The following HYDIN variants were observed in gnomAD, a reference collection of about 807,000 sequenced individuals.
The protein encoded by HYDIN is HYDIN axonemal central pair apparatus protein.
HYDIN carries 132 observed loss-of-function variants against 403.9 expected under a neutral mutation model. That is an observed-to-expected ratio of 0.33 (90% CI 0.28 to 0.38). The LOEUF is 0.38. HYDIN is among the 10% of genes least tolerant of loss of function. The probability of loss-of-function intolerance (pLI) is 1.00; values close to 1 mark genes in which losing one functional copy is unlikely to be tolerated. For missense variants in HYDIN, 2,827 were observed against 5,009.5 expected (o/e 0.56, Z 13.15); for synonymous variants, 1,202 against 1,891.7 (o/e 0.64, Z 9.46).
chr16:70,919,583 G>C (rs2502709), intron 46 of HYDIN, among the ~76,000 whole-genome samples: 6,380 of 152,110 alleles, frequency 0.042, 183 homozygotes, highest in East Asian at 0.1. Flanking sequence ...TTTAAAAGTT[G>C]ACTCATGCCT....
chr16:70,822,678 C>T (rs1470722909), intron 83 of HYDIN, among the ~76,000 whole-genome samples: 1 of 152,206 alleles, frequency 6.6e-6, no homozygotes, highest in Non-Finnish European at 1.5e-5. Context: ...GAAATTGCCA[C>T]AGTCACCCCC....
chr16:70,805,655 C>T lies in HYDIN; in HGVS notation c.*1925G>A, dbSNP rs1346834188. On this transcript the variant is annotated 3_prime_UTR_variant, in exon 86 of 86. Transcript: ENST00000393567. ...GTATATTTGCAAGTCATCACTCTTG[C>T]TCATTGATCTTAGCATCCTCTCAGA... 6.6e-6 allele frequency among the ~76,000 whole-genome samples: 1 copy of T among 152,240 alleles called. No homozygotes were observed. Among genetic ancestry groups the T allele is most frequent in the Non-Finnish European group, 1.5e-5 (1 of 68,040 alleles).
chr16:70,834,819 G>C (rs1340229915), intron 78 of HYDIN, among the ~76,000 whole-genome samples: 2 of 151,022 alleles, frequency 1.3e-5, no homozygotes, highest in Non-Finnish European at 2.9e-5. Context: ...GTGCACTCCA[G>C]CCTGGTCGAC....
rs1435405661 is a variant in HYDIN, at chr16:70,984,668, TA to T, written c.4332+516del. ...TACAAGATTATGAATAATTACACTTTAAAAATATTTTCCTTTTTTAATAACA... is the reference window on the plus strand; with the variant it reads ...TACAAGATTATGAATAATTACACTTTAAAATATTTTCCTTTTTTAATAACA... On this transcript the variant is annotated intron_variant, in intron 28 of 85. Coordinates refer to ENST00000393567, the MANE Select transcript of HYDIN (RefSeq NM_001270974.2). Among the ~76,000 whole-genome samples, 8 of 138,562 alleles carry T rather than the reference TA, an allele frequency of 5.8e-5. No homozygotes were observed. In the Middle Eastern group the frequency reaches 0.011, roughly 186 times the overall value. 90.9% of individuals were successfully genotyped at this position (138,562 alleles called of 152,430 possible). A position where few individuals can be genotyped will look rare whatever the true frequency, so the allele number is the denominator to read the frequency against.
chr16:71,168,972 A>C (rs2086355019), intron 5 of HYDIN, among the ~76,000 whole-genome samples: 1 of 152,212 alleles, frequency 6.6e-6, no homozygotes, highest in South Asian at 2.1e-4. Context: ...TTAAAAATAG[A>C]ACTACCATAT....
Position 71,175,677 on chromosome 16 carries a change from T to G in HYDIN, c.446A>C (p.Asp149Ala). 1 of 1,614,098 alleles carries G rather than the reference T, an allele frequency of 6.2e-7. No homozygotes were observed. The highest frequency in any genetic ancestry group is 8.5e-7 in the Non-Finnish European group (1 of 1,179,950). The change falls in exon 5 of 86, where the codon GAT becomes GCT. Residue 149 changes from aspartate (D) to alanine (A), a missense_variant. Coordinates refer to ENST00000393567, the MANE Select transcript of HYDIN (RefSeq NM_001270974.2). ...SPYFKVISPKDIGHKVAPGVP... is the reference protein window; with the variant it reads ...SPYFKVISPKAIGHKVAPGVP... ...TCCAGGAGCCACTTTGTGGCCAATATCTTTGGGGCTGATTACTTTAAAGTA... is the reference window on the plus strand; with the variant it reads ...TCCAGGAGCCACTTTGTGGCCAATAGCTTTGGGGCTGATTACTTTAAAGTA...
chr16:71,195,911 T>G (rs548578179), intron 1 of HYDIN, among the ~76,000 whole-genome samples: 9 of 152,154 alleles, frequency 5.9e-5, no homozygotes, highest in African/African-American at 2.2e-4. Flanking sequence ...TACTGGAAAC[T>G]TGTTCAAACT....
At chr16:70,809,104 T>C (rs1444193665) in intron 85 of HYDIN, among the ~76,000 whole-genome samples, 3 of 152,234 alleles carry the variant, frequency 2.0e-5, no homozygotes, top group East Asian at 1.9e-4. Flanking sequence ...TAAATAGAGA[T>C]GAGGTCTCGC....
chr16:71,228,438 C>G (rs562308454), intron 1 of HYDIN, among the ~76,000 whole-genome samples: 36 of 152,284 alleles, frequency 2.4e-4, no homozygotes, highest in African/African-American at 7.9e-4. Flanking sequence ...TATCCAGAAT[C>G]TACAAAGAAC....
intron 23 of HYDIN, among the ~76,000 whole-genome samples, chr16:71,011,748 C>G (rs947680932): frequency 4.0e-5 from 6 of 151,702 alleles, no homozygotes; most frequent in African/African-American, 1.5e-4. Flanking sequence ...ACTTTTGAAG[C>G]AACAGAAATT....
chr16:70,844,451 G>A (rs1396988128), intron 75 of HYDIN, among the ~76,000 whole-genome samples: 2 of 147,860 alleles, frequency 1.4e-5, no homozygotes, highest in African/African-American at 2.6e-5. Flanking sequence ...CTCTAGCCTT[G>A]TAGTATAGTT....
At chr16:71,195,175 A>G (rs550990761) in intron 1 of HYDIN, among the ~76,000 whole-genome samples, 1 of 152,210 alleles carries the variant, frequency 6.6e-6, no homozygotes, top group East Asian at 1.9e-4. Context: ...AAATGAGATA[A>G]TGTTTGTAAA....
At chr16:71,019,573 TA>T (rs2080397553) in intron 22 of HYDIN, among the ~76,000 whole-genome samples, 1 of 152,278 alleles carries the variant, frequency 6.6e-6, no homozygotes, top group Non-Finnish European at 1.5e-5. Flanking sequence ...TAGCACTCGG[TA>T]TCGCCATGCT....
intron 25 of HYDIN, among the ~76,000 whole-genome samples, chr16:70,989,884 AT>A (rs1367841595): frequency 1.3e-5 from 2 of 152,328 alleles, no homozygotes; most frequent in Middle Eastern, 3.4e-3. Context: ...CAGAAAAAAA[AT>A]TCCTGCCCTC....
At chr16:70,943,747 C>T (rs1462351351) in intron 42 of HYDIN, 65 bp downstream of exon 42, 8 of 1,564,720 alleles carry the variant, frequency 5.1e-6, no homozygotes, top group Non-Finnish European at 6.9e-6. Flanking sequence ...GAACCTCTGT[C>T]CAGGGTGTGG....
chr16:71,221,981 C>T (rs750474561), intron 1 of HYDIN, among the ~76,000 whole-genome samples: 2 of 152,218 alleles, frequency 1.3e-5, no homozygotes, highest in African/African-American at 2.4e-5. Flanking sequence ...TGAGCTGTAA[C>T]TAATCTGGCT....
In HYDIN at chr16:71,162,134, T is replaced by A. The variant is rs1230684823; in HGVS notation, c.716+397A>T. On this transcript the variant is annotated intron_variant, in intron 6 of 85. Coordinates refer to ENST00000393567, the MANE Select transcript of HYDIN (RefSeq NM_001270974.2). ...ACTTCTGACCCACTGAAAAGTAAGATAATAAATTTGTGTTGTTTTAAGCTA... is the reference window on the plus strand; with the variant it reads ...ACTTCTGACCCACTGAAAAGTAAGAAAATAAATTTGTGTTGTTTTAAGCTA... Among the ~76,000 whole-genome samples the A allele has an allele frequency of 5.3e-5, 8 of 150,448 alleles. No individual in the cohort carries two copies. The East Asian group carries it at 1.4e-3, about 26-fold the overall frequency.
At chr16:70,835,412 T>C (rs937691045) in intron 78 of HYDIN, among the ~76,000 whole-genome samples, 3 of 152,018 alleles carry the variant, frequency 2.0e-5, no homozygotes, top group Admixed American at 6.6e-5. Flanking sequence ...AATAAACAAA[T>C]GACAATGAAT....
intron 27 of HYDIN, among the ~76,000 whole-genome samples, chr16:70,985,764 G>A (rs112462886): frequency 3.3e-5 from 5 of 151,532 alleles, no homozygotes; most frequent in Non-Finnish European, 7.4e-5. Flanking sequence ...AGGCCCCAGC[G>A]AGATGCAGCC....
Sources: gnomAD v4.1 joint callset for allele counts (sites outside exome capture counted in the v4.1 genomes callset) on GRCh38, gnomAD v4.1.1 for gene constraint, MANE v1.5 for transcripts, NCBI Gene and HGNC (gene_info 2026-07-23, HGNC 2026-07-21) for gene names.